Variants in NTM observed in about 807,000 individuals in gnomAD.
NTM encodes the protein IgLON family member 2.
Under a neutral mutation model 42.1 loss-of-function variants are expected in NTM, and 13 were observed. That is an observed-to-expected ratio of 0.31 (90% CI 0.20 to 0.49). The LOEUF is 0.49. Ranked by LOEUF, NTM falls within the 20% of genes least tolerant of loss-of-function variation. The pLI, the probability that NTM is intolerant of heterozygous loss-of-function variation, is 0.99. For synonymous variants in NTM, 187 were observed against 179.2 expected, an observed-to-expected ratio of 1.04 and a Z score of -0.35; for missense variants, 373 against 452.8, an observed-to-expected ratio of 0.82 and a Z score of 1.60.
Position 132,193,481 on chromosome 11 carries a change from A to G in NTM, c.401-18541A>G, listed in dbSNP as rs574139231. Among the ~76,000 whole-genome samples, 6 of 152,270 alleles carry G rather than the reference A, an allele frequency of 3.9e-5. No individual in the cohort carries two copies. In the East Asian group the frequency reaches 1.2e-3, roughly 29 times the overall value. On this transcript the variant is annotated intron_variant, in intron 3 of 8. Coordinates refer to ENST00000683400, the MANE Select transcript of NTM (RefSeq NM_001352005.2). ...CGAAACTAACAAAAATGGAAAAAAA[A>G]ATAGATCAGAATATTTGGGACATAG...
intron 1 of NTM, among the ~76,000 whole-genome samples, chr11:131,508,184 T>C (rs1420290365): frequency 6.9e-6 from 1 of 145,638 alleles, no homozygotes; most frequent in African/African-American, 2.7e-5. Context: ...CAAACAAATT[T>C]CCAAGAAAAA....
At chr11:131,398,881 G>A (rs1031517273) in intron 1 of NTM, among the ~76,000 whole-genome samples, 9 of 152,246 alleles carry the variant, frequency 5.9e-5, no homozygotes, top group African/African-American at 2.2e-4. Context: ...GTGGTTTTCA[G>A]AATTTCTAAA....
rs528117511 is a variant in NTM at position 132,003,282 on chromosome 11, G to A, written c.167+91634G>A. Among the ~76,000 whole-genome samples, 1 of 138,752 alleles carries A rather than the reference G, an allele frequency of 7.2e-6. No individual in the cohort carries two copies. The highest frequency in any genetic ancestry group is 2.7e-5 in the African/African-American group (1 of 36,954). 91.0% of individuals were successfully genotyped at this position (138,752 alleles called of 152,430 possible). On this transcript the variant is annotated intron_variant, in intron 2 of 8. Transcript: ENST00000683400. The surrounding 1 kb of genome is among the most constrained non-coding windows in gnomAD (Gnocchi z 6.0). ...CTTTTTTTTTTTTGACAGGTTATTT[G>A]TTGCCCAGGTTGGAGTGCAGTGACG...
At chr11:131,547,904 G>A (rs1045824601) in intron 1 of NTM, among the ~76,000 whole-genome samples, 5 of 152,254 alleles carry the variant, frequency 3.3e-5, no homozygotes, top group Non-Finnish European at 5.9e-5. Context: ...CACAGTGCTA[G>A]GCAGTAGGTG....
intron 3 of NTM, among the ~76,000 whole-genome samples, chr11:132,182,778 C>T (rs1335459345): frequency 1.3e-5 from 2 of 152,172 alleles, no homozygotes; most frequent in Non-Finnish European, 1.5e-5. Flanking sequence ...TTTAACAAAG[C>T]ATATAAACTT....
At chr11:131,405,100 G>A (rs903898446) in intron 1 of NTM, among the ~76,000 whole-genome samples, 1 of 152,164 alleles carries the variant, frequency 6.6e-6, no homozygotes, top group Non-Finnish European at 1.5e-5. Context: ...TGTCTGTTAC[G>A]CTTCAACCTA....
chr11:131,894,435 G>A (rs995816117), intron 1 of NTM, among the ~76,000 whole-genome samples: 11 of 152,220 alleles, frequency 7.2e-5, no homozygotes, highest in Non-Finnish European at 2.9e-5. Context: ...TGCAAAACTG[G>A]ATGTGGTAAA....
chr11:131,378,359 C>T (rs1379233224), intron 1 of NTM, among the ~76,000 whole-genome samples: 1 of 152,104 alleles, frequency 6.6e-6, no homozygotes, highest in African/African-American at 2.4e-5. Flanking sequence ...TGCAAATAGT[C>T]TTTTTGAGTA....
chr11:132,143,695 C>T (rs1482100985), intron 2 of NTM, among the ~76,000 whole-genome samples: 1 of 152,094 alleles, frequency 6.6e-6, no homozygotes. Context: ...AGAGCAGTGG[C>T]CACCCTTCAG....
intron 1 of NTM, among the ~76,000 whole-genome samples, chr11:131,574,275 C>T (rs1278379377): frequency 1.3e-5 from 2 of 152,176 alleles, no homozygotes; most frequent in Non-Finnish European, 1.5e-5. Flanking sequence ...CTCCCCAGTC[C>T]AGTTAGTGAC....
intron 1 of NTM, among the ~76,000 whole-genome samples, chr11:131,523,916 A>T (rs1286764384): frequency 6.6e-6 from 1 of 152,100 alleles, no homozygotes; most frequent in Non-Finnish European, 1.5e-5. Flanking sequence ...GGAGAGTAAG[A>T]TGCTGAACAG....
At chr11:132,153,484 C>T (rs1002299799) in intron 3 of NTM, among the ~76,000 whole-genome samples, 6 of 152,076 alleles carry the variant, frequency 3.9e-5, no homozygotes, top group East Asian at 3.9e-4. Flanking sequence ...TCCTCATTAC[C>T]GTATTCCTAA....
chr11:131,829,925 G>A (rs2042607712), intron 1 of NTM, among the ~76,000 whole-genome samples: 1 of 152,170 alleles, frequency 6.6e-6, no homozygotes, highest in Non-Finnish European at 1.5e-5. Flanking sequence ...TTTCTCTGAT[G>A]ATTAGTGATG....
chr11:131,992,079 T>C (rs994997552), intron 2 of NTM, among the ~76,000 whole-genome samples: 1 of 152,150 alleles, frequency 6.6e-6, no homozygotes, highest in Non-Finnish European at 1.5e-5. Flanking sequence ...TGGATCCACT[T>C]ATACACAGAT....
chr11:132,161,947 G>A (rs1012624674), intron 3 of NTM, among the ~76,000 whole-genome samples: 3 of 152,126 alleles, frequency 2.0e-5, no homozygotes, highest in African/African-American at 7.2e-5. Flanking sequence ...AGTTTCACTC[G>A]TAATAGATCA....
At chr11:131,677,385 G>T (rs2071611274) in intron 1 of NTM, among the ~76,000 whole-genome samples, 1 of 152,238 alleles carries the variant, frequency 6.6e-6, no homozygotes, top group Non-Finnish European at 1.5e-5. Flanking sequence ...CAAAGTGCTA[G>T]ACCAATGCAA....
chr11:131,839,208 CGCCTCG>C lies in NTM; in HGVS notation c.83-72350_83-72345del, dbSNP rs201913334. 6.9e-3 allele frequency among the ~76,000 whole-genome samples: 1,054 copies of C among 152,218 alleles called. 18 individuals are homozygous for C. The highest frequency in any genetic ancestry group is 0.024 in the African/African-American group (985 of 41,550). On this transcript the variant is annotated intron_variant, in intron 1 of 8. Coordinates refer to ENST00000683400, the MANE Select transcript of NTM (RefSeq NM_001352005.2). ...AACTCCTGACCTCAGGTGATCCGCC[CGCCTCG>C]GCCTCCCAAAGTGCCGGAATTACAG...
At chr11:131,910,991 G>A (rs745875743) in intron 1 of NTM, 4 of 998,442 alleles carry the variant, frequency 4.0e-6, no homozygotes, top group Non-Finnish European at 4.8e-6. Context: ...CCGGTGGCGA[G>A]CCCGGCTCCG....
chr11:132,254,062 C>T (rs1457355641), intron 4 of NTM, among the ~76,000 whole-genome samples: 1 of 152,146 alleles, frequency 6.6e-6, no homozygotes, highest in Non-Finnish European at 1.5e-5. Context: ...TCTGCCAAAG[C>T]CTCCTCTCAC....
Sources: gnomAD v4.1 joint callset for allele counts (sites outside exome capture counted in the v4.1 genomes callset) on GRCh38, gnomAD v4.1.1 for gene constraint, Gnocchi (gnomAD v3.1) non-coding constraint, MANE v1.5 for transcripts, NCBI Gene and HGNC (gene_info 2026-07-23, HGNC 2026-07-21) for gene names.